Variants in SIRT5 observed in about 807,000 individuals in gnomAD.
SIRT5 encodes the protein sirtuin 5.
Under a neutral mutation model 40.0 loss-of-function variants are expected in SIRT5, and 26 were observed. The ratio of observed to expected loss-of-function variants is 0.65; its 90% confidence interval spans 0.48 to 0.90. The LOEUF is 0.90. Among genes scored for constraint, SIRT5 ranks in the 40% least tolerant of loss-of-function variants. The pLI, the probability that SIRT5 is intolerant of heterozygous loss-of-function variation, is 0.00. For synonymous variants in SIRT5, 146 were observed against 149.1 expected (o/e 0.98, Z 0.15); for missense variants, 401 against 402.4 (o/e 1.00, Z 0.03).
Position 13,595,501 on chromosome 6 carries a change from C to T in SIRT5, c.500C>T (p.Thr167Ile). ...IHGSLFKTRC[T>I]SCGVVAENYK... ...GGTAGCTTATTTAAAACTCGATGTACCTCTTGTGGAGTTGTGGCTGAGAAT... is the reference window on the plus strand; with the variant it reads ...GGTAGCTTATTTAAAACTCGATGTATCTCTTGTGGAGTTGTGGCTGAGAAT... The change falls in exon 6 of 10, where the codon ACC (threonine) becomes ATC (isoleucine). Residue 167 changes from threonine to isoleucine, a missense_variant. Physicochemically the swap from Thr to Ile is moderately conservative, Grantham distance 89. Coordinates refer to ENST00000606117, the MANE Select transcript of SIRT5 (RefSeq NM_012241.5). 6.2e-7 allele frequency: 1 copy of T among 1,614,032 alleles called. No individual in the cohort carries two copies. The highest frequency in any genetic ancestry group is 8.5e-7 in the Non-Finnish European group (1 of 1,179,930).
chr6:13,584,281 C>A, intron 3 of SIRT5, 56 bp downstream of exon 3: 1 of 1,246,796 alleles, frequency 8.0e-7, no homozygotes, highest in Non-Finnish European at 1.2e-6. Context: ...ACCTGAAAGT[C>A]CTACACTTCG....
intron 9 of SIRT5, among the ~76,000 whole-genome samples, chr6:13,611,511 T>C (rs1763923431): frequency 6.6e-6 from 1 of 152,130 alleles, no homozygotes; most frequent in South Asian, 2.1e-4. Flanking sequence ...ATCATGTCTC[T>C]TACACTTTGA....
At chr6:13,580,866 G>T (rs765033481) in intron 2 of SIRT5, among the ~76,000 whole-genome samples, 6 of 152,064 alleles carry the variant, frequency 3.9e-5, no homozygotes, top group Non-Finnish European at 8.8e-5. Context: ...TCACTTTGTT[G>T]CCCAGGCTGG....
chr6:13,597,825 C>A (rs1022671053), intron 7 of SIRT5, among the ~76,000 whole-genome samples: 1 of 151,980 alleles, frequency 6.6e-6, no homozygotes, highest in African/African-American at 2.4e-5. Context: ...GGATTACAGG[C>A]GTGAACCACT....
chr6:13,582,889 CAGTT>C, intron 2 of SIRT5, among the ~76,000 whole-genome samples: 1 of 152,274 alleles, frequency 6.6e-6, no homozygotes, highest in Non-Finnish European at 1.5e-5. Flanking sequence ...ATTTAGTTCT[CAGTT>C]AGAAATTACA....
intron 6 of SIRT5, among the ~76,000 whole-genome samples, chr6:13,596,649 GC>G (rs1431860918): frequency 6.6e-6 from 1 of 152,126 alleles, no homozygotes; most frequent in East Asian, 1.9e-4. Context: ...ACCACACTCA[GC>G]TAATTTTTGT....
Position 13,607,404 on chromosome 6 carries a change from T to G in SIRT5, c.858-4386T>G, listed in dbSNP as rs753163334. The stretch of plus-strand genomic sequence containing the variant: ...CCATCTTTTACACCTACACCTAATT[T>G]AACCAAATTATATTTAGTGACTCAG... On this transcript the variant is annotated intron_variant, in intron 9 of 9. Coordinates refer to ENST00000606117, the MANE Select transcript of SIRT5 (RefSeq NM_012241.5). The surrounding 1 kb of genome is among the most constrained non-coding windows in gnomAD (Gnocchi z 4.0). Among the ~76,000 whole-genome samples, 24 of 152,174 alleles carry G rather than the reference T, an allele frequency of 1.6e-4. No individual in the cohort carries two copies. Among genetic ancestry groups the G allele is most frequent in the Admixed American group, 4.6e-4 (7 of 15,272 alleles).
rs752786042 is a variant in SIRT5, at chr6:13,604,562, A to G, written c.857+3613A>G. 4 of 1,582,054 alleles carry G rather than the reference A, an allele frequency of 2.5e-6. No individual in the cohort carries two copies. The South Asian group carries it at 4.7e-5, about 18-fold the overall frequency. On this transcript the variant is annotated intron_variant, in intron 9 of 9. Coordinates refer to ENST00000606117, the MANE Select transcript of SIRT5 (RefSeq NM_012241.5). ...AAAAGCAAGAAAATGCAGATAGAGA[A>G]AAAGAAGAAAATAAAACTGGAGTAT...
intron 1 of SIRT5, among the ~76,000 whole-genome samples, chr6:13,577,769 A>T (rs1009355519): frequency 6.7e-6 from 1 of 150,304 alleles, no homozygotes; most frequent in African/African-American, 2.4e-5. Context: ...TAGAAAACAT[A>T]TATAGAAAAA....
chr6:13,590,505 G>A lies in SIRT5; in HGVS notation c.250-1164G>A, dbSNP rs187032541. Among the ~76,000 whole-genome samples, 182 of 152,152 alleles carry A rather than the reference G, an allele frequency of 1.2e-3. 1 individual carries two copies. Among genetic ancestry groups the A allele is most frequent in the Non-Finnish European group, 1.5e-3 (105 of 67,982 alleles). On this transcript the variant is annotated intron_variant, in intron 4 of 9. Transcript: ENST00000606117. ...TATGTAGATGTGTGTAGTTCTGTGC[G>A]TGTAGGTGTGTGTGGTTTTGTGTGT...
intron 5 of SIRT5, 29 bp from the exon 6 acceptor site, chr6:13,595,448 T>G (rs766014704): frequency 6.5e-7 from 1 of 1,541,322 alleles, no homozygotes; most frequent in East Asian, 2.2e-5. Context: ...TATACTAAAT[T>G]CTGGATTTGC....
At chr6:13,583,228 T>TCAAC (rs1030201093) in intron 2 of SIRT5, among the ~76,000 whole-genome samples, 2 of 151,618 alleles carry the variant, frequency 1.3e-5, no homozygotes, top group African/African-American at 4.8e-5. Flanking sequence ...GAAACTGTAC[T>TCAAC]TTGACCGCAA....
chr6:13,610,486 A>G (rs1352657239), intron 9 of SIRT5, among the ~76,000 whole-genome samples: 2 of 152,160 alleles, frequency 1.3e-5, no homozygotes, highest in African/African-American at 2.4e-5. Context: ...ACGTCCCTCT[A>G]TTTGGTACTC....
In SIRT5 at chr6:13,605,181, A is replaced by G. The variant is rs1047496738; in HGVS notation, c.857+4232A>G. On this transcript the variant is annotated intron_variant, in intron 9 of 9. Transcript: ENST00000606117. ...ACTTTACCCTAGGTCAGGGGTCAGC[A>G]AACTACTGCCTGTGGGCCAAATTTG... 3.0e-6 allele frequency: 3 copies of G among 985,392 alleles called. No individual in the cohort carries two copies. The African/African-American group carries it at 5.2e-5, about 17-fold the overall frequency. 61.0% of individuals were successfully genotyped at this position (985,392 alleles called of 1,614,324 possible). A position where few individuals can be genotyped will look rare whatever the true frequency, so the allele number is the denominator to read the frequency against.
chr6:13,611,984 C>A lies in SIRT5; in HGVS notation c.*119C>A. On this transcript the variant is annotated 3_prime_UTR_variant, in exon 10 of 10. Coordinates refer to ENST00000606117, the MANE Select transcript of SIRT5 (RefSeq NM_012241.5). The stretch of plus-strand genomic sequence containing the variant: ...CAATCTAAAAATAGCCTCTGATTCC[C>A]TCGCTGGAATCCAACCTGTTGATAA... 1.1e-6 allele frequency: 1 copy of A among 901,446 alleles called. No homozygotes were observed. Among genetic ancestry groups the A allele is most frequent in the Non-Finnish European group, 1.7e-6 (1 of 583,222 alleles). 55.8% of individuals were successfully genotyped at this position (901,446 alleles called of 1,614,324 possible).
chr6:13,582,350 T>C (rs1759455739), intron 2 of SIRT5, among the ~76,000 whole-genome samples: 1 of 152,186 alleles, frequency 6.6e-6, no homozygotes, highest in Admixed American at 6.5e-5. Context: ...CAAAATACAA[T>C]TGTGGTAAAA....
In SIRT5 at chr6:13,588,048, G is replaced by C. The variant is rs1425665535; in HGVS notation, c.116-283G>C. ...CACCTCAAAGAGCCAAGGACAGTGA[G>C]GATGGAGAAAGGTACGTAACTTATG... On this transcript the variant is annotated intron_variant, in intron 3 of 9. Coordinates refer to ENST00000606117, the MANE Select transcript of SIRT5 (RefSeq NM_012241.5). Among the ~76,000 whole-genome samples, 6 of 152,216 alleles carry C rather than the reference G, an allele frequency of 3.9e-5. No individual in the cohort carries two copies. In the East Asian group the frequency reaches 1.2e-3, roughly 29 times the overall value.
intron 2 of SIRT5, among the ~76,000 whole-genome samples, chr6:13,583,266 CCTTCTTTTTTTTCTTCTTTGTT>C (rs1759592354): frequency 7.7e-6 from 1 of 129,108 alleles, no homozygotes; most frequent in East Asian, 2.0e-4. Flanking sequence ...GGTTTTCATA[CCTTCTTTTTTTTCTTCTTTGTT>C]CTTTTTTTTT....
chr6:13,586,555 T>A (rs944870812), intron 3 of SIRT5, among the ~76,000 whole-genome samples: 1 of 152,178 alleles, frequency 6.6e-6, no homozygotes, highest in South Asian at 2.1e-4. Context: ...GTTGTAGATG[T>A]GTGGTGTTAT....
Sources: gnomAD v4.1 joint callset for allele counts (sites outside exome capture counted in the v4.1 genomes callset) on GRCh38, gnomAD v4.1.1 for gene constraint, Gnocchi (gnomAD v3.1) non-coding constraint, MANE v1.5 for transcripts, NCBI Gene and HGNC (gene_info 2026-07-23, HGNC 2026-07-21) for gene names.